RTL4: variants seen among roughly 807,000 people sequenced by gnomAD.
The protein encoded by RTL4 is retrotransposon Gag-like protein 4.
In RTL4, 4 loss-of-function variants were observed where a neutral mutation model predicts 5.3. The ratio of observed to expected loss-of-function variants is 0.75; its 90% CI spans 0.37 to 1.72. RTL4 has a LOEUF of 1.72. Ranked by LOEUF, RTL4 falls within the 40% of genes most tolerant of loss-of-function variation. The pLI is 0.04. For missense variants in RTL4, 260 were observed against 227.1 expected (o/e 1.14, Z -0.93); for synonymous variants, 98 against 87.3 (o/e 1.12, Z -0.68).
At chrX:112,143,473 G>A in the RTL4 span, among the ~76,000 whole-genome samples, 10 of 111,369 alleles carry the variant, frequency 9.0e-5, no homozygotes, top group African/African-American at 3.3e-4. Context: ...CTCAAGATTC[G>A]CTGTTTTCTG....
the RTL4 span, among the ~76,000 whole-genome samples, chrX:112,157,500 G>A: frequency 5.4e-5 from 6 of 111,249 alleles, no homozygotes; most frequent in Non-Finnish European, 9.4e-5. Context: ...CTCTCAGCTC[G>A]TCTGCTCTCG....
chrX:112,330,247 A>G, the RTL4 span, among the ~76,000 whole-genome samples: 1 of 108,983 alleles, frequency 9.2e-6, no homozygotes, highest in Non-Finnish European at 1.9e-5. Flanking sequence ...ACATCATTGT[A>G]TATCTAGAAA....
the RTL4 span, among the ~76,000 whole-genome samples, chrX:112,102,973 A>C: frequency 8.9e-6 from 1 of 112,236 alleles, no homozygotes; most frequent in South Asian, 3.7e-4. Flanking sequence ...ACGCTTTTAC[A>C]TTGTTGGTAG....
At chrX:112,244,445 G>C in the RTL4 span, among the ~76,000 whole-genome samples, 1 of 111,813 alleles carries the variant, frequency 8.9e-6, no homozygotes, top group African/African-American at 3.3e-5. Flanking sequence ...TTACCATTAT[G>C]TAATGGCCTT....
the RTL4 span, among the ~76,000 whole-genome samples, chrX:112,100,142 C>T: frequency 1.5e-4 from 17 of 111,301 alleles, no homozygotes; most frequent in East Asian, 2.8e-4. Flanking sequence ...CACAAGAGTG[C>T]GAAATGTTCC....
the RTL4 span, among the ~76,000 whole-genome samples, chrX:112,347,773 G>A: frequency 2.7e-5 from 3 of 111,772 alleles, no homozygotes; most frequent in Admixed American, 9.5e-5. Flanking sequence ...CCAACCTAAT[G>A]TTGGAATGGA....
At chrX:112,359,165 C>T in the RTL4 span, among the ~76,000 whole-genome samples, 4 of 110,957 alleles carry the variant, frequency 3.6e-5, no homozygotes, top group East Asian at 5.7e-4. Context: ...TGTGGGGGTA[C>T]GTAGTAGGTG....
chrX:112,088,869 AATGTC>A, the RTL4 span, among the ~76,000 whole-genome samples: 1 of 112,075 alleles, frequency 8.9e-6, no homozygotes, highest in Non-Finnish European at 1.9e-5. Flanking sequence ...TTTTTGGAGA[AATGTC>A]TGTTCAAGTC....
chrX:112,322,771 T>C, the RTL4 span, among the ~76,000 whole-genome samples: 16 of 111,962 alleles, frequency 1.4e-4, no homozygotes, highest in Middle Eastern at 9.2e-3. Flanking sequence ...TCATCATTAT[T>C]TTTTAACGGG....
chrX:112,437,759 G>T, the RTL4 span, among the ~76,000 whole-genome samples: 1 of 98,988 alleles, frequency 1.0e-5, no homozygotes, highest in Non-Finnish European at 2.0e-5. Context: ...ACAGTATTAG[G>T]CCCAAAATAA....
chrX:112,148,714 C>A, the RTL4 span, among the ~76,000 whole-genome samples: 1 of 111,871 alleles, frequency 8.9e-6, no homozygotes, highest in Non-Finnish European at 1.9e-5. Flanking sequence ...GATAGTTACT[C>A]GATTTCTCTG....
chrX:112,345,919 G>T, the RTL4 span, among the ~76,000 whole-genome samples: 1 of 111,473 alleles, frequency 9.0e-6, no homozygotes, highest in African/African-American at 3.3e-5. Flanking sequence ...GATTTAAGGA[G>T]ATTTAATGAA....
the RTL4 span, among the ~76,000 whole-genome samples, chrX:112,428,334 A>C: frequency 1.8e-5 from 2 of 112,000 alleles, no homozygotes; most frequent in Non-Finnish European, 3.8e-5. Flanking sequence ...TAGTTCTTTA[A>C]GAAATCTCCA....
the RTL4 span, among the ~76,000 whole-genome samples, chrX:112,242,195 A>C: frequency 9.0e-6 from 1 of 111,541 alleles, no homozygotes; most frequent in South Asian, 3.7e-4. Context: ...TTTTGATTCC[A>C]CATGAAGTTT....
the RTL4 span, among the ~76,000 whole-genome samples, chrX:112,402,266 G>A: frequency 9.0e-6 from 1 of 111,377 alleles, no homozygotes; most frequent in East Asian, 2.8e-4. Context: ...ACAATTTAAG[G>A]TTCTTGGAGA....
chrX:112,348,854 G>A, the RTL4 span, among the ~76,000 whole-genome samples: 1 of 110,279 alleles, frequency 9.1e-6, no homozygotes, highest in African/African-American at 3.3e-5. Flanking sequence ...ACAACAAGGA[G>A]AGATAATAAC....
At chrX:112,316,596 A>T in the RTL4 span, among the ~76,000 whole-genome samples, 5 of 112,280 alleles carry the variant, frequency 4.5e-5, no homozygotes, top group Admixed American at 3.8e-4. Flanking sequence ...AAATAAAAAA[A>T]AGATGTCATC....
At chrX:112,348,332 T>G in the RTL4 span, among the ~76,000 whole-genome samples, 2 of 109,352 alleles carry the variant, frequency 1.8e-5, no homozygotes, top group African/African-American at 6.7e-5. Context: ...ATCGCTATAC[T>G]TTGATTGCCA....
chrX:112,185,374 TTA>T, the RTL4 span, among the ~76,000 whole-genome samples: 1,335 of 85,795 alleles, frequency 0.016, 29 homozygotes, highest in African/African-American at 0.065. Flanking sequence ...AGCTATTTTA[TTA>T]ATATATATAT....
Sources: gnomAD v4.1 joint callset for allele counts (sites outside exome capture counted in the v4.1 genomes callset) on GRCh38, gnomAD v4.1.1 for gene constraint, MANE v1.5 for transcripts, NCBI Gene and HGNC (gene_info 2026-07-23, HGNC 2026-07-21) for gene names.